Variants in CHD8 observed in about 807,000 individuals in gnomAD.
CHD8 encodes ATP-dependent chromatin remodeler CHD8.
Under a neutral mutation model 279.2 loss-of-function variants are expected in CHD8, and 31 were observed. The observed-to-expected ratio is 0.11, with a 90% CI of 0.08 to 0.15. CHD8 has a LOEUF of 0.15. Ranked by LOEUF, CHD8 falls within the 10% of genes least tolerant of loss-of-function variation. CHD8 has a pLI of 1.00. For synonymous variants in CHD8, 1,081 were observed against 1,139.6 expected (o/e 0.95, Z 1.04); for missense variants, 2,146 against 3,230.5 (o/e 0.66, Z 8.14).
At chr14:21,419,857 C>T (rs1888938450) in intron 5 of CHD8, 7 of 374,606 alleles carry the variant, frequency 1.9e-5, no homozygotes, top group South Asian at 1.6e-4. Flanking sequence ...ACCAGCCCTG[C>T]CAGTGATGAG....
intron 34 of CHD8, 177 bp from the exon 35 acceptor site, chr14:21,392,123 T>G: frequency 1.3e-6 from 1 of 761,696 alleles, no homozygotes; most frequent in Non-Finnish European, 2.4e-6. Flanking sequence ...ACTTTTTCCT[T>G]AGAAAGATTT....
intron 30 of CHD8, 39 bp downstream of exon 30, chr14:21,394,873 G>A: frequency 6.3e-7 from 1 of 1,598,552 alleles, no homozygotes. Flanking sequence ...GACCATAACT[G>A]AAAACACAGA....
intron 2 of CHD8, 190 bp from the exon 3 acceptor site, chr14:21,429,525 G>A: frequency 1.4e-6 from 1 of 740,130 alleles, no homozygotes; most frequent in Non-Finnish European, 2.4e-6. Flanking sequence ...GGGTCTCGCT[G>A]TATTGCCCAG....
chr14:21,437,056 A>C, intron 1 of CHD8: 2 of 200,666 alleles, frequency 1.0e-5, no homozygotes, highest in Non-Finnish European at 1.5e-5. Flanking sequence ...CAAGACGGGA[A>C]GATGCGGGGG....
intron 1 of CHD8, among the ~76,000 whole-genome samples, chr14:21,445,331 G>A (rs568148591): frequency 1.3e-5 from 2 of 152,142 alleles, no homozygotes; most frequent in Non-Finnish European, 2.9e-5. Flanking sequence ...CAGCACTTTG[G>A]GAGGCCGAGG....
chr14:21,409,808 AT>A, intron 11 of CHD8, 42 bp downstream of exon 11: 1 of 1,538,616 alleles, frequency 6.5e-7, no homozygotes, highest in East Asian at 2.3e-5. Flanking sequence ...AAATTTAATC[AT>A]TTCTTATGTA....
chr14:21,403,388 C>T lies in CHD8; in HGVS notation c.3518+65G>A. ...TTGGTGAACTCTAATTAAATCCAGGCCCTCCTACTTTTTGCTGCTTTATGA... is the reference window on the plus strand; with the variant it reads ...TTGGTGAACTCTAATTAAATCCAGGTCCTCCTACTTTTTGCTGCTTTATGA... On this transcript the variant is annotated intron_variant, in intron 17 of 37. Coordinates refer to ENST00000646647, the MANE Select transcript of CHD8 (RefSeq NM_001170629.2). The surrounding 1 kb of genome is among the most constrained non-coding windows in gnomAD (Gnocchi z 4.3). 1 of 1,358,168 alleles carries T rather than the reference C, an allele frequency of 7.4e-7. No homozygotes were observed. Among genetic ancestry groups the T allele is most frequent in the South Asian group, 1.2e-5 (1 of 80,080 alleles). 84.1% of individuals were successfully genotyped at this position (1,358,168 alleles called of 1,614,324 possible). A position where few individuals can be genotyped will look rare whatever the true frequency, so the allele number is the denominator to read the frequency against.
Position 21,400,194 on chromosome 14 carries a change from G to C in CHD8, c.4684C>G (p.Gln1562Glu), listed in dbSNP as rs1555314263. ...IRKYNPDTLFQDESYKKHLKH... is the reference protein window; with the variant it reads ...IRKYNPDTLFEDESYKKHLKH... ...AAGTGCTTCTTATAACTTTCATCTT[G>C]GAACAAAGTGTCAGGGTTATATTTC... Residue 1562 changes from glutamine (Q) to glutamate (E), a missense_variant, in exon 24 of 38, where the codon CAA becomes GAA. Physicochemically the swap from Gln to Glu is conservative, Grantham distance 29. Coordinates refer to ENST00000646647, the MANE Select transcript of CHD8 (RefSeq NM_001170629.2). The surrounding 1 kb of genome is among the most constrained non-coding windows in gnomAD (Gnocchi z 4.2). 1 of 1,613,676 alleles carries C rather than the reference G, an allele frequency of 6.2e-7. No homozygotes were observed. The highest frequency in any genetic ancestry group is 1.1e-5 in the South Asian group (1 of 91,078).
At chr14:21,392,170 AAG>A (rs1392112735) in intron 34 of CHD8, 1 of 759,510 alleles carries the variant, frequency 1.3e-6, no homozygotes, top group African/African-American at 1.7e-5. Context: ...ATTTACGAGA[AAG>A]AGTTTATTTC....
At chr14:21,426,338 C>T (rs1443241588) in intron 4 of CHD8, 96 bp from the exon 5 acceptor site, 1 of 646,768 alleles carries the variant, frequency 1.5e-6, no homozygotes, top group Non-Finnish European at 2.7e-6. Context: ...ACAAAACTTC[C>T]AGACAGAAGT....
intron 1 of CHD8, among the ~76,000 whole-genome samples, chr14:21,437,737 A>T (rs1889847268): frequency 1.3e-5 from 2 of 152,156 alleles, no homozygotes; most frequent in South Asian, 4.1e-4. Flanking sequence ...GCCCAGCTGG[A>T]ATATGGGGCC....
chr14:21,452,020 G>A (rs1485436665), intron 1 of CHD8, among the ~76,000 whole-genome samples: 2 of 152,136 alleles, frequency 1.3e-5, no homozygotes, highest in African/African-American at 2.4e-5. Flanking sequence ...GGTTATCCAA[G>A]ACAAAATCTA....
intron 16 of CHD8, among the ~76,000 whole-genome samples, chr14:21,404,596 A>G (rs1266074785): frequency 6.6e-6 from 1 of 152,176 alleles, no homozygotes; most frequent in Admixed American, 6.5e-5. Context: ...TATCCAAGGA[A>G]CAGAGTAACC....
rs773803416 is a variant in CHD8 at position 21,395,238 on chromosome 14, T to G, written c.5182+60A>C. 2.6e-6 allele frequency: 4 copies of G among 1,536,100 alleles called. No homozygotes were observed. The African/African-American group carries it at 5.5e-5, about 21-fold the overall frequency. ...AATCCCAGGATAGGACAGAATTCAG[T>G]GAATAATTCCCCAACCCACCACCCC... On this transcript the variant is annotated intron_variant, in intron 29 of 37. Transcript: ENST00000646647.
At position 21,405,530 on chromosome 14, in the gene CHD8, G is replaced by C; in HGVS notation, c.3052-66C>G. The C allele has an allele frequency of 3.9e-6, 6 of 1,550,528 alleles. No individual in the cohort carries two copies. The highest frequency in any genetic ancestry group is 5.2e-6 in the Non-Finnish European group (6 of 1,150,496). ...AGGGCGAACATTCTCACATTATGTA[G>C]AAACATGGAAAAATTAGAGTTTTCC... is the stretch of plus-strand genomic sequence containing the variant. On this transcript the variant is annotated intron_variant, in intron 15 of 37. Transcript: ENST00000646647. The surrounding 1 kb of genome is among the most constrained non-coding windows in gnomAD (Gnocchi z 4.2).
intron 5 of CHD8, among the ~76,000 whole-genome samples, chr14:21,423,143 G>A (rs1468584320): frequency 1.3e-5 from 2 of 152,084 alleles, no homozygotes; most frequent in Admixed American, 1.3e-4. Context: ...CACTTGAACC[G>A]AGAGGCAGAG....
intron 5 of CHD8, among the ~76,000 whole-genome samples, chr14:21,423,408 C>T (rs1889142204): frequency 6.6e-6 from 1 of 152,176 alleles, no homozygotes; most frequent in Non-Finnish European, 1.5e-5. Flanking sequence ...CAAACCTACT[C>T]TCTCAATGAC....
chr14:21,414,061 C>T, intron 9 of CHD8: 2 of 413,752 alleles, frequency 4.8e-6, no homozygotes, highest in African/African-American at 2.0e-5. Context: ...TTTGAAAATA[C>T]TTCATGTGCA....
Position 21,405,902 on chromosome 14 carries a change from C to T in CHD8, c.2908-38G>A. 1 of 1,567,494 alleles carries T rather than the reference C, an allele frequency of 6.4e-7. No individual in the cohort carries two copies. Among genetic ancestry groups the T allele is most frequent in the Non-Finnish European group, 8.7e-7 (1 of 1,150,832 alleles). ...GAAACAAAAGAATAAAATTTAAAAA[C>T]ATGAAGGACTTCTGGGGTTTCCTAT... is the stretch of plus-strand genomic sequence containing the variant. On this transcript the variant is annotated intron_variant, in intron 14 of 37. Transcript: ENST00000646647. The surrounding 1 kb of genome is among the most constrained non-coding windows in gnomAD (Gnocchi z 4.2).
Sources: allele counts gnomAD v4.1 joint callset (sites outside exome capture counted in the v4.1 genomes callset), GRCh38; gene constraint gnomAD v4.1.1; non-coding constraint Gnocchi (gnomAD v3.1); transcripts MANE v1.5; gene names NCBI Gene and HGNC (gene_info 2026-07-23, HGNC 2026-07-21).